The following SLC4A9 variants were observed in gnomAD, a reference collection of about 807,000 sequenced individuals.
The protein encoded by SLC4A9 is anion exchange protein 4.
In SLC4A9, 102 loss-of-function variants were observed where a neutral mutation model predicts 103.2. The observed-to-expected ratio is 0.99, with a 90% CI of 0.84 to 1.17. The LOEUF (loss-of-function observed/expected upper bound fraction) is 1.17. Ranked by LOEUF, SLC4A9 falls within the 50% of genes most tolerant of loss-of-function variation. SLC4A9 has a pLI of 0.00. For missense variants in SLC4A9, 1,091 were observed against 1,193.7 expected (o/e 0.91, Z 1.27); for synonymous variants, 453 against 483.6 (o/e 0.94, Z 0.83).
At chr5:140,362,604 A>G (rs991299752) in intron 6 of SLC4A9, 72 bp downstream of exon 6, 13 of 1,411,784 alleles carry the variant, frequency 9.2e-6, no homozygotes, top group African/African-American at 4.2e-5. Context: ...ACATGCATAC[A>G]TGCATGGGCT....
chr5:140,363,607 G>T lies in SLC4A9; in HGVS notation c.1079+52G>T. The T allele has an allele frequency of 3.2e-6, 5 of 1,557,712 alleles. No individual in the cohort carries two copies. Among genetic ancestry groups the T allele is most frequent in the Non-Finnish European group, 4.3e-6 (5 of 1,149,650 alleles). On this transcript the variant is annotated intron_variant, in intron 8 of 21. Transcript: ENST00000506757. This position sits in a 1 kb window ranked among gnomAD's most constrained non-coding sequence, Gnocchi z 4.5. ...GTAGGTGACCTGGGGGAGGGGAGGA[G>T]TCACAGGGAAACTGAGGTGTGTGCT...
intron 12 of SLC4A9, 27 bp downstream of exon 12, chr5:140,365,605 A>G: frequency 6.2e-7 from 1 of 1,606,250 alleles, no homozygotes; most frequent in Non-Finnish European, 8.5e-7. Context: ...GGGAGGTTCT[A>G]GGAAGGAAAG....
Position 140,362,093 on chromosome 5 carries a change from T to C in SLC4A9, c.638T>C (p.Leu213Pro), listed in dbSNP as rs763380083. ...GTGCTGGCAGGGGAGCTGGGCTTCC[T>C]GGCACAGCCACTGGGAGCCTTTGTT... ...GTVLAGELGF[L>P]AQPLGAFVRL... is the part of the protein sequence containing the mutation. Residue 213 changes from leucine (L) to proline (P), a missense_variant, in exon 5 of 22, where the codon CTG (leucine) becomes CCG (proline). Coordinates refer to ENST00000506757, the MANE Select transcript of SLC4A9 (RefSeq NM_031467.3). 6.3e-7 allele frequency: 1 copy of C among 1,582,622 alleles called. No individual in the cohort carries two copies. Among genetic ancestry groups the C allele is most frequent in the South Asian group, 1.2e-5 (1 of 85,304 alleles).
rs1210864261 is a variant in SLC4A9, at chr5:140,372,393, A to C, written c.2822A>C (p.Glu941Ala). The C allele has an allele frequency of 1.2e-6, 2 of 1,610,116 alleles. No individual in the cohort carries two copies. Among genetic ancestry groups the C allele is most frequent in the Admixed American group, 1.7e-5 (1 of 58,472 alleles). ...PEHSFSGSDS[E>A]DSELMYQPKA... ...CACTCATTCAGTGGAAGTGACAGTG[A>C]AGATGTGAGCTCCAGGCTGGGTCCT... Residue 941 changes from glutamate to alanine, a missense_variant, in exon 20 of 22, where the codon GAA becomes GCA. By Grantham distance (107) the Glu-to-Ala change is moderately radical (BLOSUM62 -1). Transcript: ENST00000506757.
chr5:140,362,537 G>A lies in SLC4A9; in HGVS notation c.807+5G>A. Reference sequence around the variant, plus strand: ...GCTGTCCTCCTCAGTGACCCGGTGAGCTGAGCAGGTGTGTGTGTGTGCGCG... The same window carrying A: ...GCTGTCCTCCTCAGTGACCCGGTGAACTGAGCAGGTGTGTGTGTGTGCGCG... On this transcript the variant is annotated splice_donor_5th_base_variant and intron_variant, in intron 6 of 21. Transcript: ENST00000506757. The A allele has an allele frequency of 1.2e-6, 2 of 1,613,714 alleles. No individual in the cohort carries two copies. Among genetic ancestry groups the A allele is most frequent in the Non-Finnish European group, 8.5e-7 (1 of 1,179,614 alleles).
At chr5:140,374,669 T>A (rs1769247847) in intron 21 of SLC4A9, 158 bp from the exon 22 acceptor site, 1 of 151,290 alleles carries the variant, frequency 6.6e-6, no homozygotes. Context: ...CCGAACAAGA[T>A]CTTCTGGGCG....
At chr5:140,374,286 A>G (rs902159070) in intron 21 of SLC4A9, among the ~76,000 whole-genome samples, 1 of 151,718 alleles carries the variant, frequency 6.6e-6, no homozygotes, top group Non-Finnish European at 1.5e-5. Context: ...CAGGCCAGGC[A>G]CGGTGGCTCA....
In SLC4A9 at chr5:140,364,525, C is replaced by T. The variant is rs371990487; in HGVS notation, c.1551C>T (p.Tyr517=). Residue 517 remains tyrosine, a synonymous_variant, in exon 11 of 22, where the codon TAC becomes TAT. Coordinates refer to ENST00000506757, the MANE Select transcript of SLC4A9 (RefSeq NM_031467.3). The part of the protein sequence containing the change: ...FCALISLIFI[Y]DAVGKMLNLT... ...CCCTCATCAGCCTCATCTTCATCTACGATGCTGTGGGCAAAATGCTGAACT... is the reference window on the plus strand; with the variant it reads ...CCCTCATCAGCCTCATCTTCATCTATGATGCTGTGGGCAAAATGCTGAACT... 29 of 1,610,414 alleles carry T rather than the reference C, an allele frequency of 1.8e-5. No homozygotes were observed. Among genetic ancestry groups the T allele is most frequent in the African/African-American group, 5.3e-5 (4 of 74,850 alleles).
In SLC4A9 at chr5:140,366,862, A is replaced by G. The variant is rs115701280; in HGVS notation, c.2014-558A>G. Among the ~76,000 whole-genome samples the G allele has an allele frequency of 7.7e-3, 1,167 of 152,278 alleles. 10 individuals carry two copies. The highest frequency in any genetic ancestry group is 0.027 in the African/African-American group (1,108 of 41,550). On this transcript the variant is annotated intron_variant, in intron 14 of 21. Transcript: ENST00000506757. ...TGGAACTCCCTTTCCAGGGCATGAC[A>G]GTGTGCAGGACAAGGCTTAGCACTG...
chr5:140,368,655 T>C lies in SLC4A9; in HGVS notation c.2423T>C (p.Leu808Pro), dbSNP rs1368847831. 3 of 1,613,096 alleles carry C rather than the reference T, an allele frequency of 1.9e-6. No individual in the cohort carries two copies. Among genetic ancestry groups the C allele is most frequent in the Non-Finnish European group, 2.5e-6 (3 of 1,179,470 alleles). The change falls in exon 17 of 22, where the codon CTC (leucine) becomes CCC (proline). Residue 808 changes from leucine to proline, a missense_variant. Leu to Pro is a moderately conservative substitution (Grantham distance 98). Coordinates refer to ENST00000506757, the MANE Select transcript of SLC4A9 (RefSeq NM_031467.3). The part of the protein sequence containing the change: ...TGASIFLAPV[L>P]KFIPMPVLYG... ...GCCTCCATCTTCCTGGCACCTGTGCTCAAGGTACCTTTGTTATACAAGCCA... is the reference window on the plus strand; with the variant it reads ...GCCTCCATCTTCCTGGCACCTGTGCCCAAGGTACCTTTGTTATACAAGCCA...
chr5:140,361,403 T>C (rs1320272690), intron 3 of SLC4A9, 36 bp downstream of exon 3: 1 of 1,512,264 alleles, frequency 6.6e-7, no homozygotes, highest in African/African-American at 1.4e-5. Context: ...ACCAAGACCC[T>C]GGTGTGGCAG....
rs772451686 is a variant in SLC4A9 at position 140,367,907 on chromosome 5, G to A, written c.2354+9G>A. The A allele has an allele frequency of 3.0e-5, 49 of 1,613,138 alleles. No homozygotes were observed. Among genetic ancestry groups the A allele is most frequent in the South Asian group, 7.7e-5 (7 of 90,978 alleles). On this transcript the variant is annotated intron_variant, in intron 16 of 21. Transcript: ENST00000506757. ...AACTTCCTGGGTATCAGGTGAGGGC[G>A]GTATTTAGGAAGTGGAGTAAGAGGT...
intron 21 of SLC4A9, among the ~76,000 whole-genome samples, chr5:140,374,025 C>T (rs1769121518): frequency 6.6e-6 from 1 of 151,002 alleles, no homozygotes; most frequent in South Asian, 2.1e-4. Flanking sequence ...GAAACTCTGT[C>T]TCTACTAAAA....
At position 140,362,547 on chromosome 5, in the gene SLC4A9, T is replaced by G; in HGVS notation, c.807+15T>G. Reference sequence around the variant, plus strand: ...TCAGTGACCCGGTGAGCTGAGCAGGTGTGTGTGTGTGCGCGCGCACGCGTG... The same window carrying G: ...TCAGTGACCCGGTGAGCTGAGCAGGGGTGTGTGTGTGCGCGCGCACGCGTG... On this transcript the variant is annotated intron_variant, in intron 6 of 21. Coordinates refer to ENST00000506757, the MANE Select transcript of SLC4A9 (RefSeq NM_031467.3). 6.3e-7 allele frequency: 1 copy of G among 1,592,382 alleles called. No individual in the cohort carries two copies. Among genetic ancestry groups the G allele is most frequent in the South Asian group, 1.1e-5 (1 of 90,618 alleles).
intron 6 of SLC4A9, 133 bp from the exon 7 acceptor site, chr5:140,362,779 A>T: frequency 8.5e-7 from 1 of 1,180,912 alleles, no homozygotes; most frequent in Non-Finnish European, 1.3e-6. Flanking sequence ...TGAATGAATT[A>T]ATGCATGCAT....
intron 19 of SLC4A9, 88 bp from the exon 20 acceptor site, chr5:140,372,154 C>A (rs1768815749): frequency 2.5e-6 from 3 of 1,190,442 alleles, no homozygotes; most frequent in Non-Finnish European, 3.4e-6. Flanking sequence ...CAATGCCTAG[C>A]ACATAGGAAG....
intron 14 of SLC4A9, among the ~76,000 whole-genome samples, chr5:140,366,762 G>C (rs545655791): frequency 6.6e-6 from 1 of 152,132 alleles, no homozygotes; most frequent in African/African-American, 2.4e-5. Context: ...CCCACCCTTG[G>C]CGTGGCCCTG....
rs1337230265 is a variant in SLC4A9 at position 140,362,198 on chromosome 5, G to C, written c.719+24G>C. ...AGGTGAGGCTACTGAGTGAGTGGGA[G>C]TCAGGGATCCCAGAACCTAGAAGGG... On this transcript the variant is annotated intron_variant, in intron 5 of 21. Transcript: ENST00000506757. 4 of 1,502,214 alleles carry C rather than the reference G, an allele frequency of 2.7e-6. No homozygotes were observed. In the African/African-American group the frequency reaches 4.2e-5, roughly 16 times the overall value. The allele number at this position is 1,502,214 out of a possible 1,614,324, so 93.1% of individuals were successfully genotyped here. A position where few individuals can be genotyped will look rare whatever the true frequency, so the allele number is the denominator to read the frequency against.
chr5:140,364,706 T>C, intron 11 of SLC4A9, 81 bp downstream of exon 11: 4 of 1,510,634 alleles, frequency 2.6e-6, no homozygotes, highest in Non-Finnish European at 3.6e-6. Flanking sequence ...CTATCCCCCC[T>C]GGTTAAGTTC....
Sources: allele counts gnomAD v4.1 joint callset (sites outside exome capture counted in the v4.1 genomes callset), GRCh38; gene constraint gnomAD v4.1.1; non-coding constraint Gnocchi (gnomAD v3.1); transcripts MANE v1.5; gene names NCBI Gene and HGNC (gene_info 2026-07-23, HGNC 2026-07-21).